Variants in GABRG3 observed in about 807,000 individuals in gnomAD.
The protein encoded by GABRG3 is gamma-aminobutyric acid type A receptor subunit gamma3.
A neutral mutation model predicts 48.8 loss-of-function variants in GABRG3; 25 were observed. The ratio of observed to expected loss-of-function variants is 0.51; its 90% CI spans 0.37 to 0.72. GABRG3 has a LOEUF of 0.72. Among genes scored for constraint, GABRG3 ranks in the 30% least tolerant of loss-of-function variants. The pLI is 0.00. For missense variants in GABRG3, 394 were observed against 577.9 expected, an observed-to-expected ratio of 0.68 and a Z score of 3.26; for synonymous variants, 227 against 217.6, an observed-to-expected ratio of 1.04 and a Z score of -0.38.
intron 6 of GABRG3, among the ~76,000 whole-genome samples, chr15:27,510,800 A>G (rs1016365774): frequency 1.2e-4 from 18 of 152,250 alleles, no homozygotes; most frequent in African/African-American, 4.1e-4. Context: ...TCTAAAAACT[A>G]TCCGTTACTT....
chr15:27,003,172 TA>T (rs1171641750), intron 2 of GABRG3, among the ~76,000 whole-genome samples: 1 of 150,062 alleles, frequency 6.7e-6, no homozygotes, highest in East Asian at 1.9e-4. Flanking sequence ...TTTTATTTTT[TA>T]TTTTTTTTAA....
At chr15:27,451,212 A>G (rs1485189006) in intron 5 of GABRG3, among the ~76,000 whole-genome samples, 1 of 152,196 alleles carries the variant, frequency 6.6e-6, no homozygotes, top group East Asian at 1.9e-4. Flanking sequence ...GGAACCACAA[A>G]AGATCCCAAA....
intron 5 of GABRG3, among the ~76,000 whole-genome samples, chr15:27,343,201 C>T (rs1259081527): frequency 5.9e-5 from 9 of 152,154 alleles, no homozygotes; most frequent in Non-Finnish European, 7.3e-5. Flanking sequence ...GGAGCCAGCA[C>T]CTCCCCCACG....
chr15:27,027,852 C>T (rs7172534), intron 3 of GABRG3, among the ~76,000 whole-genome samples: 95,661 of 152,030 alleles, frequency 0.63, 30,227 homozygotes, highest in East Asian at 0.67. Flanking sequence ...GTTGACTGCT[C>T]AGAGTAACCC....
chr15:27,067,437 G>A (rs145471829), intron 3 of GABRG3, among the ~76,000 whole-genome samples: 10 of 152,242 alleles, frequency 6.6e-5, no homozygotes, highest in East Asian at 1.9e-4. Context: ...GCCCCTTTCC[G>A]GAGAACATGG....
At chr15:27,065,167 C>T (rs897667196) in intron 3 of GABRG3, among the ~76,000 whole-genome samples, 10 of 152,188 alleles carry the variant, frequency 6.6e-5, no homozygotes, top group Admixed American at 5.2e-4. Flanking sequence ...CTGTTTATGG[C>T]GGTCTACTTT....
intron 3 of GABRG3, among the ~76,000 whole-genome samples, chr15:27,146,450 C>G (rs1048619546): frequency 5.9e-5 from 9 of 152,116 alleles, no homozygotes. Flanking sequence ...CGGTGAGACT[C>G]TGTCTCAAAA....
chr15:27,241,680 C>T (rs943323964), intron 3 of GABRG3, among the ~76,000 whole-genome samples: 4 of 152,182 alleles, frequency 2.6e-5, no homozygotes, highest in African/African-American at 7.2e-5. Flanking sequence ...ACACATCAGC[C>T]GCTATTCTAG....
At chr15:27,433,282 A>G (rs1190433639) in intron 5 of GABRG3, among the ~76,000 whole-genome samples, 1 of 152,246 alleles carries the variant, frequency 6.6e-6, no homozygotes, top group African/African-American at 2.4e-5. Flanking sequence ...AGTGGCTTAA[A>G]ACAACACAAA....
intron 3 of GABRG3, among the ~76,000 whole-genome samples, chr15:27,185,693 C>T (rs1266532463): frequency 1.3e-5 from 2 of 151,870 alleles, no homozygotes; most frequent in African/African-American, 4.8e-5. Context: ...TTAGTTTTTG[C>T]TTCATGTATT....
At chr15:27,277,846 A>G (rs1296943308) in intron 3 of GABRG3, among the ~76,000 whole-genome samples, 1 of 152,174 alleles carries the variant, frequency 6.6e-6, no homozygotes, top group Non-Finnish European at 1.5e-5. Context: ...AAATTTTTAT[A>G]TTATTATAGT....
At position 27,292,203 on chromosome 15, in the gene GABRG3, T is replaced by A. The variant is rs566269302; in HGVS notation, c.271-34606T>A. 9.2e-5 allele frequency among the ~76,000 whole-genome samples: 14 copies of A among 151,874 alleles called. No individual in the cohort carries two copies. The East Asian group carries it at 2.7e-3, about 29-fold the overall frequency. On this transcript the variant is annotated intron_variant, in intron 3 of 9. Transcript: ENST00000615808. ...AGTCTATCATTGATGGGCATTTGGA[T>A]TGGTTTCAAGTCTTTGCTATTGTGA...
Position 27,540,272 on chromosome 15 carries a change from T to C in GABRG3, c.*7391T>C, listed in dbSNP as rs550724716. On this transcript the variant is annotated 3_prime_UTR_variant, in exon 10 of 10. Coordinates refer to ENST00000615808, the MANE Select transcript of GABRG3 (RefSeq NM_033223.5). ...TTGTTTGTTGATTGCTTTCTCTCTT[T>C]TTTTTTCCGTTTTTACCTTAGTTGG... The C allele has an allele frequency of 6.6e-6, 1 of 152,346 alleles. No individual in the cohort carries two copies. The highest frequency in any genetic ancestry group is 2.4e-5 in the African/African-American group (1 of 41,578). 9.4% of individuals were successfully genotyped at this position (152,346 alleles called of 1,614,324 possible).
At chr15:27,206,023 T>C (rs764865966) in intron 3 of GABRG3, among the ~76,000 whole-genome samples, 2 of 152,048 alleles carry the variant, frequency 1.3e-5, no homozygotes, top group Admixed American at 1.3e-4. Context: ...CCACCTTTTA[T>C]TTTTATTGAT....
intron 7 of GABRG3, among the ~76,000 whole-genome samples, chr15:27,526,661 T>C (rs962307775): frequency 2.6e-5 from 4 of 152,208 alleles, no homozygotes; most frequent in African/African-American, 7.2e-5. Flanking sequence ...GTGTCTCTTT[T>C]CTGAATGTTT....
chr15:27,327,059 C>A, intron 4 of GABRG3, 30 bp downstream of exon 4: 9 of 1,564,380 alleles, frequency 5.8e-6, no homozygotes, highest in Non-Finnish European at 7.9e-6. Flanking sequence ...TTTGATTACT[C>A]CTGGTTTAAA....
chr15:27,120,085 G>A (rs1273062077), intron 3 of GABRG3, among the ~76,000 whole-genome samples: 1 of 152,202 alleles, frequency 6.6e-6, no homozygotes, highest in African/African-American at 2.4e-5. Context: ...TGACAATAAT[G>A]TTTAAACAAC....
chr15:27,014,470 A>G (rs575231250), intron 2 of GABRG3, among the ~76,000 whole-genome samples: 35 of 151,636 alleles, frequency 2.3e-4, no homozygotes, highest in African/African-American at 7.5e-4. Context: ...GTTGTAGCCC[A>G]TAAGTTTTGA....
intron 3 of GABRG3, among the ~76,000 whole-genome samples, chr15:27,311,451 A>G (rs919655316): frequency 6.6e-6 from 1 of 152,242 alleles, no homozygotes; most frequent in African/African-American, 2.4e-5. Flanking sequence ...CAGAGTGCTG[A>G]TGCACCTGCA....
Sources: allele counts gnomAD v4.1 joint callset (sites outside exome capture counted in the v4.1 genomes callset), GRCh38; gene constraint gnomAD v4.1.1; transcripts MANE v1.5; gene names NCBI Gene and HGNC (gene_info 2026-07-23, HGNC 2026-07-21).